The following CCAR2 variants were observed in gnomAD, a reference collection of about 807,000 sequenced individuals.
CCAR2 encodes cell cycle and apoptosis regulator 2.
A neutral mutation model predicts 108.1 loss-of-function variants in CCAR2; 21 were observed. The ratio of observed to expected loss-of-function variants is 0.19; its 90% CI spans 0.14 to 0.28. The LOEUF is 0.28. Among genes scored for constraint, CCAR2 ranks in the 10% least tolerant of loss-of-function variants. The pLI is 1.00. For synonymous variants in CCAR2, 577 were observed against 472.8 expected (o/e 1.22, Z -2.86); for missense variants, 1,126 against 1,177.0 (o/e 0.96, Z 0.63).
At chr8:22,609,176 C>T (rs1167986428) in intron 7 of CCAR2, among the ~76,000 whole-genome samples, 1 of 151,988 alleles carries the variant, frequency 6.6e-6, no homozygotes, top group Non-Finnish European at 1.5e-5. Flanking sequence ...TCGGCCTCCG[C>T]AGTAGCTGGG....
At chr8:22,619,451 G>A in intron 20 of CCAR2, 96 bp downstream of exon 20, 1 of 1,459,454 alleles carries the variant, frequency 6.9e-7, no homozygotes, top group Non-Finnish European at 9.3e-7. Context: ...GTGACCAGAG[G>A]GCCAGCAGGC....
intron 7 of CCAR2, among the ~76,000 whole-genome samples, chr8:22,609,042 CTTTT>C (rs976239965): frequency 7.4e-6 from 1 of 134,872 alleles, no homozygotes; most frequent in Non-Finnish European, 1.6e-5. Context: ...ACCCTTAACC[CTTTT>C]TTTTTCTTTT....
rs1801018426 is a variant in CCAR2, at chr8:22,605,172, C to T, written c.-39+330C>T. On this transcript the variant is annotated intron_variant, in intron 1 of 20. Transcript: ENST00000308511. ...CGCAGCCGGTTTCGCGTTTGGTCGG[C>T]CAGGGAGCTGCCTTCCCACCAGCCG... The T allele has an allele frequency of 3.1e-5, 6 of 191,450 alleles. No homozygotes were observed. The South Asian group carries it at 4.1e-4, about 13-fold the overall frequency. 11.9% of individuals were successfully genotyped at this position (191,450 alleles called of 1,614,324 possible). A position where few individuals can be genotyped will look rare whatever the true frequency, so the allele number is the denominator to read the frequency against.
At chr8:22,606,404 G>A (rs1801081044) in intron 3 of CCAR2, among the ~76,000 whole-genome samples, 1 of 152,162 alleles carries the variant, frequency 6.6e-6, no homozygotes, top group Non-Finnish European at 1.5e-5. Context: ...AATCCCAGAA[G>A]AAGCTTGTGG....
rs1801661223 is a variant in CCAR2 at position 22,619,347 on chromosome 8, G to A, written c.2719G>A (p.Val907Met). 2 of 1,558,322 alleles carry A rather than the reference G, an allele frequency of 1.3e-6. No homozygotes were observed. The highest frequency in any genetic ancestry group is 2.7e-5 in the African/African-American group (2 of 73,674). ...CCTGCAGCTGGAGATCCAGCGGGTG[G>A]TGGAAAAGGTAAGGTGGGGGTGGAC... is the stretch of plus-strand genomic sequence containing the variant. ...TPLQLEIQRV[V>M]EKADSWVEKE... The change falls in exon 20 of 21, where the codon GTG (valine) becomes ATG (methionine). Residue 907 changes from valine (V) to methionine (M), a missense_variant. By Grantham distance (21) the Val-to-Met change is conservative (BLOSUM62 1). This residue lies in a region of CCAR2 where 1,013 missense variants were observed against 993.9 expected (regional missense o/e 1.02). Coordinates refer to ENST00000308511, the MANE Select transcript of CCAR2 (RefSeq NM_001393997.1).
In CCAR2 at chr8:22,615,454, A is replaced by T. The variant is rs145928227; in HGVS notation, c.1235A>T (p.Gln412Leu). The T allele has an allele frequency of 8.1e-5, 131 of 1,613,740 alleles. No homozygotes were observed. The highest frequency in any genetic ancestry group is 1.0e-4 in the Non-Finnish European group (119 of 1,180,000). ...CGCTTTGCCGAGTTTCAGTACCTGC[A>T]GCCGGGACCCCCCCGGCGGCTTCAG... is the stretch of plus-strand genomic sequence containing the variant. ...WWRFAEFQYL[Q>L]PGPPRRLQTV... The change falls in exon 12 of 21, where the codon CAG becomes CTG. Residue 412 changes from glutamine (Q) to leucine (L), a missense_variant. This residue lies in a region of CCAR2 where 1,013 missense variants were observed against 993.9 expected (regional missense o/e 1.02). Transcript: ENST00000308511.
Position 22,604,781 on chromosome 8 carries a change from A to T in CCAR2, c.-100A>T. On this transcript the variant is annotated 5_prime_UTR_variant, in exon 1 of 21. Coordinates refer to ENST00000308511, the MANE Select transcript of CCAR2 (RefSeq NM_001393997.1). The stretch of plus-strand genomic sequence containing the variant: ...GAGAGGCGCTTCCGGTGGCGGCGGC[A>T]GCAGCGGCTGTGGTGGTTCCGGGTG... The T allele has an allele frequency of 2.2e-6, 1 of 456,062 alleles. No homozygotes were observed. Among genetic ancestry groups the T allele is most frequent in the South Asian group, 1.5e-5 (1 of 64,528 alleles). The allele number at this position is 456,062 out of a possible 1,614,324, so 28.3% of individuals were successfully genotyped here.
Position 22,614,879 on chromosome 8 carries a change from G to C in CCAR2, c.1083G>C (p.Gly361=). Residue 361 remains glycine, a synonymous_variant, in exon 11 of 21, where the codon GGG becomes GGC. Transcript: ENST00000308511. The part of the protein sequence containing the change: ...GRKEEEAVLV[G]GEWSPSLDGL... ...AAGAAGAGGAGGCAGTGCTGGTTGGGGGTGAATGGTCTCCTTCCCTGGATG... is the reference window on the plus strand; with the variant it reads ...AAGAAGAGGAGGCAGTGCTGGTTGGCGGTGAATGGTCTCCTTCCCTGGATG... The C allele has an allele frequency of 6.2e-7, 1 of 1,612,620 alleles. No homozygotes were observed. The highest frequency in any genetic ancestry group is 8.5e-7 in the Non-Finnish European group (1 of 1,179,636).
At chr8:22,618,079 C>G in intron 16 of CCAR2, 1 of 593,120 alleles carries the variant, frequency 1.7e-6, no homozygotes, top group Non-Finnish European at 3.0e-6. Flanking sequence ...AGGCAAGGTG[C>G]TTGATGTTTT....
At chr8:22,621,032 G>T (rs141249814), downstream of CCAR2, 954 of 168,082 alleles carry the variant, frequency 5.7e-3, 13 homozygotes, top group African/African-American at 0.022. Flanking sequence ...GGGCCAGAGG[G>T]CTCCCCAGGA....
At chr8:22,616,450 C>G (rs1801512070) in intron 14 of CCAR2, 1 of 593,712 alleles carries the variant, frequency 1.7e-6, no homozygotes, top group Non-Finnish European at 3.0e-6. Flanking sequence ...GCTGAGCAGC[C>G]TGACAGCACA....
intron 14 of CCAR2, among the ~76,000 whole-genome samples, chr8:22,616,867 T>C (rs1450127568): frequency 2.6e-3 from 30 of 11,360 alleles, no homozygotes; most frequent in Non-Finnish European, 5.8e-3. Context: ...ACTAGTCTGC[T>C]TTTTTTTTTT....
chr8:22,621,188 A>G (rs540265828), downstream of CCAR2: 2 of 548,848 alleles, frequency 3.6e-6, no homozygotes, highest in African/African-American at 3.8e-5. Context: ...TCCAAATAAA[A>G]AAGCCCCAAG....
In CCAR2 at chr8:22,614,941, G is replaced by A. The variant is rs948374385; in HGVS notation, c.1145G>A (p.Arg382His). ...CAGGCTGACCCGCAGGTGCTGGTGC[G>A]TACCGCCATCCGCTGTGCGCAGGCC... is the stretch of plus-strand genomic sequence containing the variant. Reference protein sequence around the residue: ...DPQADPQVLVRTAIRCAQAQT... With the variant: ...DPQADPQVLVHTAIRCAQAQT... Residue 382 changes from arginine to histidine, a missense_variant, in exon 11 of 21, where the codon CGT (arginine) becomes CAT (histidine). Around this residue, in one of 4 missense-constraint regions of CCAR2, gnomAD observed 1,013 missense variants for 993.9 expected, o/e 1.02. Coordinates refer to ENST00000308511, the MANE Select transcript of CCAR2 (RefSeq NM_001393997.1). 11 of 1,611,798 alleles carry A rather than the reference G, an allele frequency of 6.8e-6. No homozygotes were observed. The highest frequency in any genetic ancestry group is 8.5e-6 in the Non-Finnish European group (10 of 1,179,168).
chr8:22,606,248 C>T, intron 3 of CCAR2, 72 bp downstream of exon 3: 1 of 1,230,298 alleles, frequency 8.1e-7, no homozygotes, highest in East Asian at 2.3e-5. Context: ...TGCTCTTTTT[C>T]TCTTACATAA....
chr8:22,615,366 C>T (rs1447826762), intron 11 of CCAR2, 59 bp from the exon 12 acceptor site: 6 of 1,564,520 alleles, frequency 3.8e-6, no homozygotes, highest in East Asian at 4.5e-5. Flanking sequence ...TGCCTGTGAA[C>T]GTGGTGTCTG....
At position 22,619,277 on chromosome 8, in the gene CCAR2, C is replaced by T. The variant is rs1164281011; in HGVS notation, c.2649C>T (p.Ser883=). 6 of 1,564,568 alleles carry T rather than the reference C, an allele frequency of 3.8e-6. No homozygotes were observed. Among genetic ancestry groups the T allele is most frequent in the East Asian group, 2.4e-5 (1 of 42,232 alleles). ...CCCGGACGGCGGAGCGACAGAAGAG[C>T]CAGCTCCAGCGGCTGCTGCAGGAGC... The part of the protein sequence containing the change: ...ETARTAERQK[S]QLQRLLQELR... The change falls in exon 20 of 21, where the codon AGC becomes AGT. Residue 883 remains serine (S), a synonymous_variant. Coordinates refer to ENST00000308511, the MANE Select transcript of CCAR2 (RefSeq NM_001393997.1).
intron 7 of CCAR2, among the ~76,000 whole-genome samples, chr8:22,608,802 G>C (rs1801173512): frequency 1.3e-5 from 2 of 152,180 alleles, no homozygotes; most frequent in Non-Finnish European, 2.9e-5. Context: ...TTTTAAACTT[G>C]TTATAATGGA....
At chr8:22,618,266 G>A (rs1304387603) in intron 16 of CCAR2, 83 bp from the exon 17 acceptor site, 2 of 1,581,350 alleles carry the variant, frequency 1.3e-6, no homozygotes, top group Admixed American at 3.4e-5. Flanking sequence ...CAAGCCACTG[G>A]ATTCTGGACA....
Sources: allele counts gnomAD v4.1 joint callset (sites outside exome capture counted in the v4.1 genomes callset), GRCh38; gene constraint gnomAD v4.1.1; regional missense constraint gnomAD v4.1.1; transcripts MANE v1.5; gene names NCBI Gene and HGNC (gene_info 2026-07-23, HGNC 2026-07-21).